Variants in NAALADL2 observed in about 807,000 individuals in gnomAD.
The protein encoded by NAALADL2 is inactive N-acetylated-alpha-linked acidic dipeptidase-like protein 2.
In NAALADL2, 76 loss-of-function variants were observed where a neutral mutation model predicts 87.2. That is an observed-to-expected ratio of 0.87 (90% CI 0.72 to 1.05). The LOEUF (loss-of-function observed/expected upper bound fraction) is 1.05. Among genes scored for constraint, NAALADL2 ranks in the 50% least tolerant of loss-of-function variants. The pLI is 0.00. For synonymous variants in NAALADL2, 354 were observed against 331.0 expected, an observed-to-expected ratio of 1.07 and a Z score of -0.75; for missense variants, 1,089 against 945.8, an observed-to-expected ratio of 1.15 and a Z score of -1.99.
chr3:174,702,960 C>G (rs778440767), intron 2 of NAALADL2, among the ~76,000 whole-genome samples: 2 of 152,138 alleles, frequency 1.3e-5, no homozygotes, highest in Non-Finnish European at 2.9e-5. Flanking sequence ...GTTCAGAGTT[C>G]ACACTGCTCT....
chr3:174,631,279 T>C (rs1054377221), intron 2 of NAALADL2, among the ~76,000 whole-genome samples: 2 of 152,198 alleles, frequency 1.3e-5, no homozygotes, highest in Non-Finnish European at 2.9e-5. Flanking sequence ...TTAAAATCTT[T>C]ACCAACATTA....
chr3:175,616,452 T>C (rs2050867855), intron 10 of NAALADL2, among the ~76,000 whole-genome samples: 2 of 152,096 alleles, frequency 1.3e-5, no homozygotes, highest in South Asian at 2.1e-4. Context: ...ATCAGAGTCA[T>C]TACTTACATC....
chr3:175,740,767 T>C (rs902198128), intron 12 of NAALADL2, among the ~76,000 whole-genome samples: 1 of 152,206 alleles, frequency 6.6e-6, no homozygotes, highest in African/African-American at 2.4e-5. Context: ...CTTTAGGAAA[T>C]GTTCTGCTCT....
intron 3 of NAALADL2, among the ~76,000 whole-genome samples, chr3:174,740,068 T>C (rs1706287318): frequency 6.6e-6 from 1 of 152,038 alleles, no homozygotes; most frequent in Admixed American, 6.6e-5. Flanking sequence ...CCAGTGTGAT[T>C]TAAGCATTTT....
intron 9 of NAALADL2, among the ~76,000 whole-genome samples, chr3:175,537,502 C>T (rs1352881293): frequency 6.6e-6 from 1 of 152,140 alleles, no homozygotes; most frequent in Admixed American, 6.5e-5. Flanking sequence ...GTTTAGTGTT[C>T]TCTTATACAA....
intron 1 of NAALADL2, among the ~76,000 whole-genome samples, chr3:174,493,135 G>A (rs1409009134): frequency 6.6e-6 from 1 of 152,098 alleles, no homozygotes; most frequent in Non-Finnish European, 1.5e-5. Context: ...AGTGAGGATA[G>A]GTGTTATGGG....
intron 1 of NAALADL2, among the ~76,000 whole-genome samples, chr3:174,506,576 T>G (rs563506932): frequency 6.9e-4 from 105 of 152,292 alleles, no homozygotes; most frequent in Middle Eastern, 3.4e-3. Flanking sequence ...ACCATATAAA[T>G]AATTCTGAAA....
chr3:174,675,805 A>G (rs1165467627), intron 2 of NAALADL2, among the ~76,000 whole-genome samples: 1 of 152,058 alleles, frequency 6.6e-6, no homozygotes, highest in Non-Finnish European at 1.5e-5. Flanking sequence ...TTATGTTCCA[A>G]TGTTTTCAGC....
chr3:174,699,777 A>T (rs1729377401), intron 2 of NAALADL2, among the ~76,000 whole-genome samples: 1 of 148,506 alleles, frequency 6.7e-6, no homozygotes, highest in Admixed American at 6.7e-5. Flanking sequence ...AGCATTATAT[A>T]TGAGTTCATA....
chr3:175,790,117 G>T (rs559531691), intron 13 of NAALADL2, among the ~76,000 whole-genome samples: 1 of 152,214 alleles, frequency 6.6e-6, no homozygotes, highest in East Asian at 1.9e-4. Flanking sequence ...AAGTAATTAT[G>T]ACCTTTTTCT....
chr3:175,192,877 A>G (rs914041909), intron 2 of NAALADL2, among the ~76,000 whole-genome samples: 7 of 151,984 alleles, frequency 4.6e-5, no homozygotes, highest in African/African-American at 1.4e-4. Flanking sequence ...TTAAAATTTT[A>G]CGTGTAGCCA....
chr3:175,438,047 A>G (rs1055198833), intron 5 of NAALADL2, among the ~76,000 whole-genome samples: 4 of 152,126 alleles, frequency 2.6e-5, no homozygotes, highest in Non-Finnish European at 5.9e-5. Flanking sequence ...CAAATTTTAT[A>G]TCGTGAATCA....
At chr3:174,798,393 A>G (rs866104902) in intron 3 of NAALADL2, among the ~76,000 whole-genome samples, 36 of 152,314 alleles carry the variant, frequency 2.4e-4, no homozygotes, top group Middle Eastern at 3.4e-3. Flanking sequence ...TCTTGTTAAG[A>G]TTATTCGGCC....
intron 12 of NAALADL2, among the ~76,000 whole-genome samples, chr3:175,742,484 G>A (rs1015899116): frequency 3.9e-5 from 6 of 151,944 alleles, no homozygotes; most frequent in South Asian, 2.1e-4. Flanking sequence ...TGCAAGCTCC[G>A]CCTCCCGGGT....
At chr3:174,668,953 T>G (rs9823075) in intron 2 of NAALADL2, among the ~76,000 whole-genome samples, 96,046 of 151,250 alleles carry the variant, frequency 0.64, 31,174 homozygotes, top group Admixed American at 0.72. Context: ...GATGGCTGAG[T>G]CAAATGGTAT....
At chr3:174,727,195 T>G (rs1197074701) in intron 2 of NAALADL2, among the ~76,000 whole-genome samples, 2 of 151,676 alleles carry the variant, frequency 1.3e-5, no homozygotes, top group African/African-American at 4.9e-5. Flanking sequence ...GTTGTTTTCT[T>G]GTTTTTTTTT....
chr3:174,863,766 G>A (rs932203097), intron 1 of NAALADL2: 5 of 208,522 alleles, frequency 2.4e-5, no homozygotes, highest in South Asian at 2.0e-4. Context: ...TGAAATCTTT[G>A]TGATGCCACA....
At chr3:175,412,597 A>G (rs1193800362) in intron 5 of NAALADL2, among the ~76,000 whole-genome samples, 2 of 152,138 alleles carry the variant, frequency 1.3e-5, no homozygotes, top group East Asian at 3.9e-4. Flanking sequence ...ATTATGAAAC[A>G]TCAAAATACA....
At chr3:174,921,824 AAAAG>A (rs775037573) in intron 1 of NAALADL2, among the ~76,000 whole-genome samples, 27,307 of 124,972 alleles carry the variant, frequency 0.22, 3,033 homozygotes, top group African/African-American at 0.29. Flanking sequence ...AAAAAAAAGA[AAAAG>A]AAAAAGAAAA....
Sources: gnomAD v4.1 joint callset for allele counts (sites outside exome capture counted in the v4.1 genomes callset) on GRCh38, gnomAD v4.1.1 for gene constraint, MANE v1.5 for transcripts, NCBI Gene and HGNC (gene_info 2026-07-23, HGNC 2026-07-21) for gene names.